Variants in PKHD1 observed in about 807,000 individuals in gnomAD.
PKHD1 encodes the protein PKHD1 ciliary IPT domain containing fibrocystin/polyductin.
Under a neutral mutation model 412.0 loss-of-function variants are expected in PKHD1, and 291 were observed. The ratio of observed to expected loss-of-function variants is 0.71; its 90% confidence interval spans 0.64 to 0.78. The LOEUF (loss-of-function observed/expected upper bound fraction) is 0.78, where lower values mean the gene tolerates loss of function less well. Among genes scored for constraint, PKHD1 ranks in the 30% least tolerant of loss-of-function variants. The pLI, the probability that PKHD1 is intolerant of heterozygous loss-of-function variation, is 0.00. For missense variants in PKHD1, 4,825 were observed against 4,950.7 expected (o/e 0.97, Z 0.76); for synonymous variants, 1,777 against 1,821.5 (o/e 0.98, Z 0.62).
At chr6:52,077,716 G>T (rs543205666) in intron 5 of PKHD1, among the ~76,000 whole-genome samples, 1 of 152,278 alleles carries the variant, frequency 6.6e-6, no homozygotes, top group South Asian at 2.1e-4. Flanking sequence ...ACTGTCTAAA[G>T]GAAAGGGTTA....
At chr6:51,652,187 GA>G (rs1268878882) in intron 61 of PKHD1, among the ~76,000 whole-genome samples, 6 of 152,010 alleles carry the variant, frequency 3.9e-5, no homozygotes, top group Non-Finnish European at 7.4e-5. Flanking sequence ...GTATGTGAGA[GA>G]TTTTTTTTTC....
Position 52,025,315 on chromosome 6 carries a change from GAGA to G in PKHD1, c.4492_4494del (p.Ser1498del), listed in dbSNP as rs1289222415. The stretch of plus-strand genomic sequence containing the variant: ...TGACCCCTAATCAGCACAGTGGTCA[GAGA>G]CCCACTGGTGTTTGTGGACAAGGCA... On this transcript the variant is annotated inframe_deletion, in exon 32 of 67. Coordinates refer to ENST00000371117, the MANE Select transcript of PKHD1 (RefSeq NM_138694.4). The G allele has an allele frequency of 3.7e-6, 6 of 1,614,074 alleles. No individual in the cohort carries two copies. The highest frequency in any genetic ancestry group is 5.1e-6 in the Non-Finnish European group (6 of 1,180,008).
chr6:51,791,207 A>G (rs1793684211), intron 53 of PKHD1, 29 bp downstream of exon 53: 1 of 1,608,940 alleles, frequency 6.2e-7, no homozygotes, highest in Admixed American at 1.7e-5. Context: ...AATTCTCAAC[A>G]TGCTCGCAAT....
chr6:51,974,473 T>C (rs1583645896), intron 35 of PKHD1, among the ~76,000 whole-genome samples: 1 of 152,210 alleles, frequency 6.6e-6, no homozygotes, highest in Non-Finnish European at 1.5e-5. Context: ...GCTTGTCCTG[T>C]TCCCTAAGCA....
At chr6:51,620,961 T>C (rs1449076962) in intron 66 of PKHD1, among the ~76,000 whole-genome samples, 1 of 152,142 alleles carries the variant, frequency 6.6e-6, no homozygotes. Flanking sequence ...ATGTATCTTC[T>C]ACAGCCATCA....
chr6:51,647,340 G>T (rs1770228344), intron 63 of PKHD1, among the ~76,000 whole-genome samples: 1 of 152,038 alleles, frequency 6.6e-6, no homozygotes, highest in African/African-American at 2.4e-5. Context: ...TCTAGACCAG[G>T]CCCTAAAATG....
intron 55 of PKHD1, among the ~76,000 whole-genome samples, chr6:51,756,663 A>C (rs993101910): frequency 6.6e-6 from 1 of 152,184 alleles, no homozygotes; most frequent in African/African-American, 2.4e-5. Flanking sequence ...ACATGCACAG[A>C]AAATAGGAAA....
At chr6:51,809,354 G>A (rs7453626) in intron 52 of PKHD1, among the ~76,000 whole-genome samples, 1 of 151,968 alleles carries the variant, frequency 6.6e-6, no homozygotes, top group African/African-American at 2.4e-5. Flanking sequence ...TAATTACTAA[G>A]TACATTCTTT....
intron 60 of PKHD1, among the ~76,000 whole-genome samples, chr6:51,730,633 T>TAAATACATAAATACATAAAGAA (rs1348658934): frequency 1.3e-5 from 2 of 152,184 alleles, no homozygotes; most frequent in African/African-American, 4.8e-5. Flanking sequence ...CATGAAAATG[T>TAAATACATAAATACATAAAGAA]AAATACATAA....
At chr6:51,744,156 TGACATG>T (rs1218829244) in intron 60 of PKHD1, among the ~76,000 whole-genome samples, 1 of 152,202 alleles carries the variant, frequency 6.6e-6, no homozygotes, top group Non-Finnish European at 1.5e-5. Context: ...TCTGCACTTT[TGACATG>T]GACACAGGCA....
In PKHD1 at chr6:51,847,828, T is replaced by C. The variant is rs200796821; in HGVS notation, c.8054A>G (p.Asn2685Ser). The C allele has an allele frequency of 1.2e-6, 2 of 1,613,998 alleles. No individual in the cohort carries two copies. The highest frequency in any genetic ancestry group is 8.5e-7 in the Non-Finnish European group (1 of 1,179,900). Residue 2685 changes from asparagine (N) to serine (S), a missense_variant, in exon 50 of 67, where the codon AAC becomes AGC. Transcript: ENST00000371117. Reference sequence around the variant, plus strand: ...ATTGAAGAACCAGTCACAGCCTTGGTTCTGACCTGGTGATGGAAGAAATGG... The same window carrying C: ...ATTGAAGAACCAGTCACAGCCTTGGCTCTGACCTGGTGATGGAAGAAATGG... ...SFPFLPSPGQ[N>S]QGCDWFFNSQ...
At chr6:51,764,039 C>A (rs528427221) in intron 55 of PKHD1, among the ~76,000 whole-genome samples, 2 of 149,220 alleles carry the variant, frequency 1.3e-5, no homozygotes, top group Non-Finnish European at 3.0e-5. Flanking sequence ...CATGCTGGTG[C>A]GCTGCACCCA....
In PKHD1 at chr6:52,042,884, C is replaced by T. The variant is rs1581909859; in HGVS notation, c.3072G>A (p.Val1024=). 6.2e-7 allele frequency: 1 copy of T among 1,613,868 alleles called. No individual in the cohort carries two copies. The highest frequency in any genetic ancestry group is 8.5e-7 in the Non-Finnish European group (1 of 1,179,826). The change falls in exon 27 of 67, where the codon GTG becomes GTA. Residue 1024 remains valine, a synonymous_variant. Transcript: ENST00000371117. ...FLNVKPRLDM[V]EPSRAADIGG... ...CAATATCCGCAGCTCTGGAAGGCTC[C>T]ACCATATCCAGTCTAGGTTTCACAT...
At chr6:51,985,384 T>C (rs1270337150) in intron 35 of PKHD1, among the ~76,000 whole-genome samples, 1 of 152,318 alleles carries the variant, frequency 6.6e-6, no homozygotes, top group East Asian at 1.9e-4. Flanking sequence ...TTATGGAACA[T>C]TGTTTAAGAA....
intron 50 of PKHD1, among the ~76,000 whole-genome samples, chr6:51,841,536 G>C (rs1265316917): frequency 6.6e-6 from 1 of 152,168 alleles, no homozygotes; most frequent in Admixed American, 6.5e-5. Context: ...ATAAAGGTTA[G>C]TGCAGTTCCC....
chr6:51,690,395 C>T (rs1472243457), intron 60 of PKHD1, among the ~76,000 whole-genome samples: 1 of 151,694 alleles, frequency 6.6e-6, no homozygotes, highest in Non-Finnish European at 1.5e-5. Flanking sequence ...CTGGAGGTAT[C>T]ATGCTATCCA....
chr6:51,932,676 C>T (rs12209427), intron 37 of PKHD1, among the ~76,000 whole-genome samples: 35,096 of 152,058 alleles, frequency 0.23, 4,612 homozygotes, highest in Non-Finnish European at 0.31. Context: ...TAAAAAGGTC[C>T]CCTTGGAAGT....
chr6:51,896,558 TG>T (rs1780056893), intron 43 of PKHD1, among the ~76,000 whole-genome samples: 2 of 150,788 alleles, frequency 1.3e-5, no homozygotes, highest in Admixed American at 1.3e-4. Context: ...ACCACAAAGA[TG>T]GGGAAAAAAC....
chr6:51,694,548 CTTTTTTTTTTTTTT>C (rs67157925), intron 60 of PKHD1, among the ~76,000 whole-genome samples: 8 of 37,690 alleles, frequency 2.1e-4, no homozygotes, highest in Non-Finnish European at 3.1e-4. Flanking sequence ...CACAACCAGC[CTTTTTTTTTTTTTT>C]TTTTTTTTTT....
Sources: allele counts gnomAD v4.1 joint callset (sites outside exome capture counted in the v4.1 genomes callset), GRCh38; gene constraint gnomAD v4.1.1; transcripts MANE v1.5; gene names NCBI Gene and HGNC (gene_info 2026-07-23, HGNC 2026-07-21).